Variants in MYH7B observed in about 807,000 individuals in gnomAD.
MYH7B encodes the protein myosin-7B.
MYH7B carries 205 observed loss-of-function variants against 234.5 expected under a neutral mutation model. The observed-to-expected ratio is 0.87, with a 90% CI of 0.78 to 0.98. The LOEUF (loss-of-function observed/expected upper bound fraction) is 0.98. Ranked by LOEUF, MYH7B falls within the 50% of genes least tolerant of loss-of-function variation. The pLI is 0.00. For synonymous variants in MYH7B, 1,193 were observed against 1,105.0 expected (o/e 1.08, Z -1.58); for missense variants, 2,652 against 2,633.4 (o/e 1.01, Z -0.15).
At chr20:34,985,876 C>T (rs2082011691) in intron 13 of MYH7B, among the ~76,000 whole-genome samples, 1 of 152,180 alleles carries the variant, frequency 6.6e-6, no homozygotes, top group African/African-American at 2.4e-5. Flanking sequence ...CACGCAAGGA[C>T]ACACACTGAC....
intron 2 of MYH7B, among the ~76,000 whole-genome samples, chr20:34,961,668 C>A (rs1171129517): frequency 6.6e-6 from 1 of 152,214 alleles, no homozygotes; most frequent in Non-Finnish European, 1.5e-5. Flanking sequence ...TCTCCCCAGC[C>A]CCTGGCAACC....
exon 25 of MYH7B, chr20:34,993,164 C>T (rs1376436497): frequency 6.2e-7 from 1 of 1,614,058 alleles, no homozygotes; most frequent in Non-Finnish European, 8.5e-7. Context: ...AGGAAGGCCA[C>T]AGAGAAACTG....
At chr20:34,986,957 A>C in exon 15 of MYH7B, 1 of 1,614,046 alleles carries the variant, frequency 6.2e-7, no homozygotes, top group Non-Finnish European at 8.5e-7. Flanking sequence ...CGTGGACAAC[A>C]TGAATGATGG....
chr20:34,993,601 C>T, intron 26 of MYH7B, 131 bp downstream of exon 26: 1 of 1,065,142 alleles, frequency 9.4e-7, no homozygotes, highest in Non-Finnish European at 1.3e-6. Flanking sequence ...GGGCAAGGTT[C>T]TGTTCTGTGT....
rs552456665 is a variant in MYH7B at position 34,995,280 on chromosome 20, C to G, written c.2701-56C>G. On this transcript the variant is annotated intron_variant, in intron 27 of 44. Transcript: ENST00000262873. Reference sequence around the variant, plus strand: ...CTCTCCAGGGCCTGGCCTGGTGTCTCTCTGCTGGTTTACCTGGCCCTCCCC... The same window carrying G: ...CTCTCCAGGGCCTGGCCTGGTGTCTGTCTGCTGGTTTACCTGGCCCTCCCC... The G allele has an allele frequency of 1.3e-4, 202 of 1,569,810 alleles. No homozygotes were observed. The African/African-American group carries it at 2.4e-3, about 19-fold the overall frequency.
At chr20:34,973,069 G>A (rs758958039) in intron 2 of MYH7B, among the ~76,000 whole-genome samples, 9 of 152,244 alleles carry the variant, frequency 5.9e-5, no homozygotes, top group South Asian at 2.1e-4. Context: ...CTTTGATGGC[G>A]CCCCAACTCC....
chr20:34,990,437 TC>T, intron 22 of MYH7B, 127 bp downstream of exon 22: 1 of 1,034,062 alleles, frequency 9.7e-7, no homozygotes, highest in Non-Finnish European at 1.5e-6. Context: ...TTAACTCCTC[TC>T]CACGTGAACA....
chr20:34,960,579 G>T (rs1031954688), intron 2 of MYH7B, among the ~76,000 whole-genome samples: 17 of 152,206 alleles, frequency 1.1e-4, no homozygotes, highest in Non-Finnish European at 2.1e-4. Context: ...CAGCCCCAGG[G>T]TCTGCATCAC....
exon 36 of MYH7B, chr20:34,999,264 G>A (rs1316280248): frequency 1.2e-6 from 2 of 1,600,610 alleles, no homozygotes; most frequent in South Asian, 2.2e-5. Flanking sequence ...GCGGCGGCAG[G>A]AGGAGGAGAT....
intron 7 of MYH7B, 83 bp downstream of exon 7, chr20:34,979,887 T>A: frequency 6.9e-7 from 1 of 1,456,068 alleles, no homozygotes; most frequent in Non-Finnish European, 9.3e-7. Flanking sequence ...GGCGGGCCCA[T>A]AGCGGTGGGG....
chr20:34,979,996 C>T, intron 7 of MYH7B, 192 bp downstream of exon 7: 1 of 276,760 alleles, frequency 3.6e-6, no homozygotes, highest in Non-Finnish European at 6.0e-6. Flanking sequence ...GCAGTGGGGG[C>T]GGGGCTGGAG....
exon 24 of MYH7B, chr20:34,991,109 A>C: frequency 6.2e-7 from 1 of 1,608,894 alleles, no homozygotes; most frequent in Non-Finnish European, 8.5e-7. Flanking sequence ...CTCTACACCG[A>C]CTTCCGGCAG....
chr20:34,996,320 C>T (rs1309122812), intron 28 of MYH7B, 26 bp from the exon 29 acceptor site: 14 of 1,558,144 alleles, frequency 9.0e-6, no homozygotes, highest in African/African-American at 4.1e-5. Context: ...AAGGGCGTCC[C>T]CATTCTGGCC....
intron 9 of MYH7B, chr20:34,982,045 G>A: frequency 6.0e-6 from 1 of 167,010 alleles, no homozygotes; most frequent in Non-Finnish European, 1.3e-5. Context: ...AAATTGAAAA[G>A]TTAAATAAAA....
exon 37 of MYH7B, chr20:34,999,574 A>T: frequency 6.2e-7 from 1 of 1,605,464 alleles, no homozygotes; most frequent in Non-Finnish European, 8.5e-7. Context: ...ACTGCAGAGG[A>T]GATCAGCGAC....
chr20:34,996,804 T>A, intron 30 of MYH7B, 46 bp downstream of exon 30: 1 of 1,583,496 alleles, frequency 6.3e-7, no homozygotes, highest in Non-Finnish European at 8.6e-7. Flanking sequence ...AGCCTGCACC[T>A]GGCCCTTGTT....
At chr20:34,981,371 G>A (rs1000782362) in intron 9 of MYH7B, 5 of 343,276 alleles carry the variant, frequency 1.5e-5, no homozygotes, top group African/African-American at 2.2e-5. Flanking sequence ...TCTGGCTCAG[G>A]GGCAGCGGAA....
At chr20:34,970,141 C>A (rs899628455) in intron 2 of MYH7B, among the ~76,000 whole-genome samples, 1 of 152,178 alleles carries the variant, frequency 6.6e-6, no homozygotes, top group Non-Finnish European at 1.5e-5. Flanking sequence ...AAGCTTGAGA[C>A]ATGTTGAGAC....
At chr20:34,999,606 A>G in exon 37 of MYH7B, 1 of 1,613,262 alleles carries the variant, frequency 6.2e-7, no homozygotes, top group African/African-American at 1.3e-5. Context: ...GGTGAGTCTC[A>G]GTGGGAAGAG....
Sources: allele counts gnomAD v4.1 joint callset (sites outside exome capture counted in the v4.1 genomes callset), GRCh38; gene constraint gnomAD v4.1.1; transcripts MANE v1.5; gene names NCBI Gene and HGNC (gene_info 2026-07-23, HGNC 2026-07-21).